Variants in CTNNA2 observed in about 807,000 individuals in gnomAD.
The protein encoded by CTNNA2 is catenin alpha 2.
In CTNNA2, 42 loss-of-function variants were observed where a neutral mutation model predicts 101.0. The observed-to-expected ratio is 0.42, with a 90% CI of 0.32 to 0.54. The LOEUF (loss-of-function observed/expected upper bound fraction) is 0.54, where lower values mean the gene tolerates loss of function less well. Ranked by LOEUF, CTNNA2 falls within the 20% of genes least tolerant of loss-of-function variation. CTNNA2 has a pLI of 0.14. For synonymous variants in CTNNA2, 450 were observed against 456.4 expected, an observed-to-expected ratio of 0.99 and a Z score of 0.18; for missense variants, 871 against 1,223.1, an observed-to-expected ratio of 0.71 and a Z score of 4.29.
At chr2:79,560,890 T>C (rs1008248182) in intron 1 of CTNNA2, among the ~76,000 whole-genome samples, 6 of 151,912 alleles carry the variant, frequency 3.9e-5, no homozygotes, top group African/African-American at 1.4e-4. Flanking sequence ...AGATTTTTGT[T>C]CTAAATTGTA....
intron 3 of CTNNA2, among the ~76,000 whole-genome samples, chr2:79,806,931 T>C (rs530130797): frequency 3.4e-4 from 52 of 152,092 alleles, no homozygotes; most frequent in Non-Finnish European, 6.9e-4. Flanking sequence ...ACTGACATGC[T>C]CAAGCATTCT....
chr2:79,421,608 A>C (rs1297569659), intron 4 of CTNNA2, among the ~76,000 whole-genome samples: 1 of 152,194 alleles, frequency 6.6e-6, no homozygotes, highest in East Asian at 1.9e-4. Context: ...TGTAGGGTCA[A>C]GCACAGTATG....
chr2:79,686,520 A>C (rs1390807914), intron 2 of CTNNA2, among the ~76,000 whole-genome samples: 1 of 152,182 alleles, frequency 6.6e-6, no homozygotes, highest in Admixed American at 6.6e-5. Flanking sequence ...TCATTGATTG[A>C]ACTACATAAT....
chr2:79,316,078 A>G (rs1676490035), intron 3 of CTNNA2, among the ~76,000 whole-genome samples: 1 of 152,078 alleles, frequency 6.6e-6, no homozygotes, highest in Admixed American at 6.5e-5. Context: ...AAAGAGTTTC[A>G]TAATTTTAGG....
chr2:80,497,247 G>A (rs1687546878), intron 9 of CTNNA2, among the ~76,000 whole-genome samples: 1 of 152,166 alleles, frequency 6.6e-6, no homozygotes, highest in African/African-American at 2.4e-5. Context: ...AGGCACAAGG[G>A]TGTTGAGGAC....
intron 7 of CTNNA2, among the ~76,000 whole-genome samples, chr2:80,084,242 G>A (rs1421122194): frequency 6.6e-6 from 1 of 152,108 alleles, no homozygotes; most frequent in African/African-American, 2.4e-5. Context: ...GAACAAGAAA[G>A]CAGGAAGGCA....
intron 2 of CTNNA2, among the ~76,000 whole-genome samples, chr2:79,204,666 T>C (rs1291601456): frequency 6.6e-6 from 1 of 152,208 alleles, no homozygotes; most frequent in Non-Finnish European, 1.5e-5. Flanking sequence ...TAGAAATTTA[T>C]GTCTCATAGT....
chr2:79,195,054 A>G (rs1468132420), intron 1 of CTNNA2, among the ~76,000 whole-genome samples: 2 of 152,124 alleles, frequency 1.3e-5, no homozygotes, highest in African/African-American at 2.4e-5. Context: ...GGCATGCATT[A>G]GTATTCAGGT....
chr2:80,488,731 C>A (rs1452109627), intron 9 of CTNNA2, among the ~76,000 whole-genome samples: 1 of 152,142 alleles, frequency 6.6e-6, no homozygotes, highest in Admixed American at 6.6e-5. Flanking sequence ...CTAAATAAAT[C>A]CCACTTTATA....
chr2:80,647,632 T>G lies in CTNNA2; in HGVS notation c.2622T>G (p.Asn874Lys). ...SLIQAAKNLM[N>K]AVVLTVKASY... is the part of the protein sequence containing the mutation. The stretch of plus-strand genomic sequence containing the variant: ...TCCAGGCAGCTAAAAACCTGATGAA[T>G]GCTGTTGTCCTCACGGTGAAAGCAT... Residue 874 changes from asparagine to lysine, a missense_variant, in exon 19 of 19, where the codon AAT becomes AAG. Physicochemically the swap from Asn to Lys is moderately conservative, Grantham distance 94 (BLOSUM62 0). Around this residue, in one of 5 missense-constraint regions of CTNNA2, gnomAD observed 25 missense variants for 69.5 expected, o/e 0.36. Transcript: ENST00000402739. 1 of 1,613,304 alleles carries G rather than the reference T, an allele frequency of 6.2e-7. No homozygotes were observed. The highest frequency in any genetic ancestry group is 8.5e-7 in the Non-Finnish European group (1 of 1,179,418).
At chr2:79,377,620 T>C (rs1677992824) in intron 4 of CTNNA2, among the ~76,000 whole-genome samples, 1 of 152,160 alleles carries the variant, frequency 6.6e-6, no homozygotes, top group Admixed American at 6.5e-5. Flanking sequence ...TTGTTTCCTT[T>C]CCAGAATAAT....
At chr2:80,414,526 T>A (rs1321131892) in intron 8 of CTNNA2, among the ~76,000 whole-genome samples, 1 of 152,132 alleles carries the variant, frequency 6.6e-6, no homozygotes, top group East Asian at 1.9e-4. Context: ...ATGTTATGAA[T>A]CTCTGTATAA....
intron 7 of CTNNA2, among the ~76,000 whole-genome samples, chr2:80,269,674 A>T (rs1157277832): frequency 6.6e-6 from 1 of 152,208 alleles, no homozygotes; most frequent in East Asian, 1.9e-4. Flanking sequence ...ATGTTTACAT[A>T]TAAGAACTAT....
chr2:79,515,489 G>A (rs972939884), intron 1 of CTNNA2, among the ~76,000 whole-genome samples: 6 of 152,284 alleles, frequency 3.9e-5, no homozygotes, highest in African/African-American at 1.4e-4. Context: ...TTTCTGCAGA[G>A]TGGTGTGGGT....
intron 6 of CTNNA2, among the ~76,000 whole-genome samples, chr2:79,896,276 C>T (rs139973760): frequency 2.1e-5 from 3 of 143,540 alleles, no homozygotes; most frequent in African/African-American, 7.6e-5. Context: ...GAGTATGAGA[C>T]CCTGTCTCAA....
chr2:79,953,603 C>T (rs1233418022), intron 7 of CTNNA2, among the ~76,000 whole-genome samples: 1 of 152,218 alleles, frequency 6.6e-6, no homozygotes, highest in African/African-American at 2.4e-5. Context: ...GACACACAGA[C>T]AGGCGATTAT....
intron 2 of CTNNA2, among the ~76,000 whole-genome samples, chr2:79,238,201 G>A (rs1674581373): frequency 6.6e-6 from 1 of 152,100 alleles, no homozygotes; most frequent in South Asian, 2.1e-4. Context: ...ATATTGTTGT[G>A]TCTTAGAGAA....
At chr2:80,129,264 G>A (rs1702291025) in intron 7 of CTNNA2, among the ~76,000 whole-genome samples, 1 of 152,166 alleles carries the variant, frequency 6.6e-6, no homozygotes. Context: ...GGAAGGCCCT[G>A]AACAAAGTCT....
chr2:79,967,322 G>A (rs1162714884), intron 7 of CTNNA2, among the ~76,000 whole-genome samples: 1 of 152,086 alleles, frequency 6.6e-6, no homozygotes, highest in Non-Finnish European at 1.5e-5. Flanking sequence ...CCCAAACTTA[G>A]GAGTTGTGCT....
Sources: gnomAD v4.1 joint callset for allele counts (sites outside exome capture counted in the v4.1 genomes callset) on GRCh38, gnomAD v4.1.1 for gene constraint, gnomAD v4.1.1 regional missense constraint, MANE v1.5 for transcripts, NCBI Gene and HGNC (gene_info 2026-07-23, HGNC 2026-07-21) for gene names.